SPATA17: variants seen among roughly 807,000 people sequenced by gnomAD.
SPATA17 encodes spermatogenesis-associated protein 17.
SPATA17 carries 53 observed loss-of-function variants against 62.2 expected under a neutral mutation model. The ratio of observed to expected loss-of-function variants is 0.85; its 90% confidence interval spans 0.68 to 1.07. SPATA17 has a LOEUF of 1.07. SPATA17 is among the 50% of genes least tolerant of loss of function. The pLI is 0.00. For missense variants in SPATA17, 466 were observed against 425.5 expected (o/e 1.10, Z -0.84); for synonymous variants, 146 against 146.8 (o/e 0.99, Z 0.04).
chr1:217,786,271 G>C (rs188095694), intron 8 of SPATA17, among the ~76,000 whole-genome samples: 38 of 152,232 alleles, frequency 2.5e-4, no homozygotes, highest in Non-Finnish European at 3.7e-4. Context: ...GTGTGTAAGA[G>C]ACAATGTATA....
chr1:217,760,338 T>C (rs905282611), intron 6 of SPATA17, among the ~76,000 whole-genome samples: 1 of 152,202 alleles, frequency 6.6e-6, no homozygotes, highest in Non-Finnish European at 1.5e-5. Context: ...TACAATTTTA[T>C]TGAAGGATAA....
At chr1:217,749,312 T>A (rs866039267) in intron 6 of SPATA17, among the ~76,000 whole-genome samples, 1 of 152,214 alleles carries the variant, frequency 6.6e-6, no homozygotes, top group African/African-American at 2.4e-5. Flanking sequence ...GGCAAAAGGA[T>A]GTATGCCTTG....
At chr1:217,767,957 G>A (rs1407595642) in intron 6 of SPATA17, among the ~76,000 whole-genome samples, 6 of 152,082 alleles carry the variant, frequency 3.9e-5, no homozygotes, top group African/African-American at 9.7e-5. Flanking sequence ...CCTTTTAAAG[G>A]AAATGTGGGC....
At position 217,867,066 on chromosome 1, in the gene SPATA17, C is replaced by T. The variant is rs1205781556; in HGVS notation, c.*47C>T. ...AAGCCATCTGCATTTTAAAACTTAA[C>T]AGTTCTGAAAGGAAAACACAGATGA... On this transcript the variant is annotated 3_prime_UTR_variant, in exon 11 of 11. Coordinates refer to ENST00000366933, the MANE Select transcript of SPATA17 (RefSeq NM_138796.4). 6.6e-6 allele frequency: 1 copy of T among 152,066 alleles called. No homozygotes were observed. Among genetic ancestry groups the T allele is most frequent in the Non-Finnish European group, 1.5e-5 (1 of 68,014 alleles). The allele number at this position is 152,066 out of a possible 1,614,324, so 9.4% of individuals were successfully genotyped here. A position where few individuals can be genotyped will look rare whatever the true frequency, so the allele number is the denominator to read the frequency against.
At position 217,783,030 on chromosome 1, in the gene SPATA17, ATAT is replaced by A. The variant is rs1443961216; in HGVS notation, c.872+713_872+715del. Among the ~76,000 whole-genome samples the A allele has an allele frequency of 4.6e-5, 7 of 151,370 alleles. No homozygotes were observed. In the South Asian group the frequency reaches 1.2e-3, roughly 27 times the overall value. Reference sequence around the variant, plus strand: ...GCAATGTATCTTATAATGTATTTTAATATTATTTATATGCTAAGTAAGACATTA... The same window carrying A: ...GCAATGTATCTTATAATGTATTTTAATATTTATATGCTAAGTAAGACATTA... On this transcript the variant is annotated intron_variant, in intron 8 of 10. Transcript: ENST00000366933.
chr1:217,709,898 A>T (rs890572533), intron 5 of SPATA17, among the ~76,000 whole-genome samples: 1 of 152,220 alleles, frequency 6.6e-6, no homozygotes, highest in African/African-American at 2.4e-5. Flanking sequence ...TATCCTAATT[A>T]CTTATACCAG....
At chr1:217,683,206 T>G in intron 4 of SPATA17, 52 bp from the exon 5 acceptor site, 1 of 1,316,104 alleles carries the variant, frequency 7.6e-7, no homozygotes, top group Non-Finnish European at 1.1e-6. Flanking sequence ...GCTATTACAT[T>G]TTTAATAAAA....
rs547123455 is a variant in SPATA17, at chr1:217,717,470, G to A, written c.396-24505G>A. ...ACTAAAAATTCAAAAAAATTAGCTG[G>A]CGAGGTGGTGGGCTCCTGTAGTCCC... is the stretch of plus-strand genomic sequence containing the variant. On this transcript the variant is annotated intron_variant, in intron 5 of 10. Transcript: ENST00000366933. Among the ~76,000 whole-genome samples, 5 of 152,154 alleles carry A rather than the reference G, an allele frequency of 3.3e-5. No individual in the cohort carries two copies. The South Asian group carries it at 6.2e-4, about 19-fold the overall frequency.
intron 9 of SPATA17, among the ~76,000 whole-genome samples, chr1:217,828,996 T>G (rs1182721085): frequency 6.6e-6 from 1 of 152,066 alleles, no homozygotes; most frequent in Non-Finnish European, 1.5e-5. Flanking sequence ...GTTGATGGAA[T>G]GCCAATTGGA....
Position 217,828,158 on chromosome 1 carries a change from T to C in SPATA17, c.1005+26308T>C, listed in dbSNP as rs555733811. Among the ~76,000 whole-genome samples, 7 of 152,294 alleles carry C rather than the reference T, an allele frequency of 4.6e-5. 1 individual carries two copies. Among genetic ancestry groups the C allele is most frequent in the African/African-American group, 1.2e-4 (5 of 41,566 alleles). On this transcript the variant is annotated intron_variant, in intron 9 of 10. Coordinates refer to ENST00000366933, the MANE Select transcript of SPATA17 (RefSeq NM_138796.4). ...AATAAAAACAATGTTAGAGACATCATACTTTCTGATTTAAAGTTATATTAC... is the reference window on the plus strand; with the variant it reads ...AATAAAAACAATGTTAGAGACATCACACTTTCTGATTTAAAGTTATATTAC...
At chr1:217,790,081 A>G (rs1673962697) in intron 8 of SPATA17, among the ~76,000 whole-genome samples, 1 of 152,088 alleles carries the variant, frequency 6.6e-6, no homozygotes, top group African/African-American at 2.4e-5. Context: ...AAAAATGTTA[A>G]CCGGTTAGGG....
At chr1:217,672,177 T>C (rs1670846469) in intron 4 of SPATA17, among the ~76,000 whole-genome samples, 1 of 152,222 alleles carries the variant, frequency 6.6e-6, no homozygotes, top group Admixed American at 6.5e-5. Context: ...GTGTTGTGTA[T>C]ATCTGAAGAT....
intron 8 of SPATA17, among the ~76,000 whole-genome samples, chr1:217,792,066 C>CT (rs1391567333): frequency 2.6e-5 from 4 of 151,998 alleles, no homozygotes; most frequent in African/African-American, 9.7e-5. Flanking sequence ...AGCTGATAAA[C>CT]TTTAAAAAAA....
At position 217,869,498 on chromosome 1, in the gene SPATA17, T is replaced by C. The variant is rs1051412549; in HGVS notation, c.*2479T>C. On this transcript the variant is annotated 3_prime_UTR_variant, in exon 11 of 11. Transcript: ENST00000366933. ...GTGAAAAAAGGTTCTCTACAGAATG[T>C]AGATTTTCCCCATAAGAGATAGCTT... 13 of 152,280 alleles carry C rather than the reference T, an allele frequency of 8.5e-5. No homozygotes were observed. The highest frequency in any genetic ancestry group is 3.1e-4 in the African/African-American group (13 of 41,572). The allele number at this position is 152,280 out of a possible 1,614,324, so 9.4% of individuals were successfully genotyped here.
chr1:217,858,752 G>A (rs549582702), intron 9 of SPATA17, among the ~76,000 whole-genome samples: 47 of 152,144 alleles, frequency 3.1e-4, no homozygotes, highest in East Asian at 2.1e-3. Context: ...AATTATAGCC[G>A]GGCGTGGTGG....
At chr1:217,759,373 C>T (rs1673118661) in intron 6 of SPATA17, among the ~76,000 whole-genome samples, 1 of 151,926 alleles carries the variant, frequency 6.6e-6, no homozygotes. Flanking sequence ...GCAGGAGAAT[C>T]ATTTGAACCC....
At chr1:217,713,795 G>C (rs1671932984) in intron 5 of SPATA17, among the ~76,000 whole-genome samples, 1 of 152,184 alleles carries the variant, frequency 6.6e-6, no homozygotes, top group East Asian at 1.9e-4. Context: ...AAACTGCGAT[G>C]GGATTGCAGA....
rs186483950 is a variant in SPATA17, at chr1:217,701,355, A to C, written c.395+17994A>C. Among the ~76,000 whole-genome samples the C allele has an allele frequency of 1.2e-3, 182 of 151,678 alleles. 1 individual carries two copies. The highest frequency in any genetic ancestry group is 1.5e-4 in the Non-Finnish European group (10 of 67,916). On this transcript the variant is annotated intron_variant, in intron 5 of 10. Coordinates refer to ENST00000366933, the MANE Select transcript of SPATA17 (RefSeq NM_138796.4). The stretch of plus-strand genomic sequence containing the variant: ...TGTATATATGTGTGTGTGTATATAT[A>C]TATACATTTTTATTATTTTTTGTTT...
At chr1:217,736,628 T>C (rs1474446615) in intron 5 of SPATA17, among the ~76,000 whole-genome samples, 2 of 152,174 alleles carry the variant, frequency 1.3e-5, no homozygotes, top group African/African-American at 2.4e-5. Context: ...TGAAGCATAG[T>C]GATCCTGGGA....
Sources: gnomAD v4.1 joint callset for allele counts (sites outside exome capture counted in the v4.1 genomes callset) on GRCh38, gnomAD v4.1.1 for gene constraint, MANE v1.5 for transcripts, NCBI Gene and HGNC (gene_info 2026-07-23, HGNC 2026-07-21) for gene names.